The following RPS6KC1 variants were observed in gnomAD, a reference collection of about 807,000 sequenced individuals.
RPS6KC1 encodes the protein inactive ribosomal protein S6 kinase delta-1.
A neutral mutation model predicts 103.8 loss-of-function variants in RPS6KC1; 54 were observed. The observed-to-expected ratio is 0.52, with a 90% CI of 0.42 to 0.65. The LOEUF is 0.65. RPS6KC1 is among the 30% of genes least tolerant of loss of function. The probability of loss-of-function intolerance (pLI) is 0.00; values close to 1 mark genes in which losing one functional copy is unlikely to be tolerated. For missense variants in RPS6KC1, 1,151 were observed against 1,253.8 expected (o/e 0.92, Z 1.24); for synonymous variants, 439 against 438.7 (o/e 1.00, Z -0.01).
the RPS6KC1 span, among the ~76,000 whole-genome samples, chr1:213,488,525 T>G: frequency 6.6e-6 from 1 of 152,150 alleles, no homozygotes; most frequent in Non-Finnish European, 1.5e-5. Context: ...GCCCAGCAGA[T>G]TTTGGCAACT....
At chr1:213,340,926 A>C in the RPS6KC1 span, among the ~76,000 whole-genome samples, 2 of 152,270 alleles carry the variant, frequency 1.3e-5, no homozygotes, top group African/African-American at 4.8e-5. Flanking sequence ...AGGTGGGGCC[A>C]TGGTCAGAGT....
the RPS6KC1 span, among the ~76,000 whole-genome samples, chr1:213,478,422 CAA>C: frequency 1.3e-5 from 2 of 151,682 alleles, no homozygotes; most frequent in Non-Finnish European, 2.9e-5. Context: ...TTTAGTTTTG[CAA>C]AAAAAATTGT....
the RPS6KC1 span, among the ~76,000 whole-genome samples, chr1:213,683,749 T>G: frequency 6.6e-6 from 1 of 152,108 alleles, no homozygotes; most frequent in African/African-American, 2.4e-5. Context: ...CCGTCCCAAC[T>G]CCACGTTCCC....
chr1:213,696,645 C>A, the RPS6KC1 span, among the ~76,000 whole-genome samples: 1 of 151,986 alleles, frequency 6.6e-6, no homozygotes, highest in African/African-American at 2.4e-5. Flanking sequence ...CAATTGAGTA[C>A]ACCTCTTAAT....
chr1:213,315,578 G>T, the RPS6KC1 span, among the ~76,000 whole-genome samples: 1 of 152,126 alleles, frequency 6.6e-6, no homozygotes, highest in Admixed American at 6.5e-5. Flanking sequence ...AATAGTCCTG[G>T]TATATTTCAG....
At chr1:213,726,813 T>C in the RPS6KC1 span, among the ~76,000 whole-genome samples, 1 of 152,228 alleles carries the variant, frequency 6.6e-6, no homozygotes, top group Non-Finnish European at 1.5e-5. Flanking sequence ...TTTCAGAACA[T>C]ATTGAAGCTA....
the RPS6KC1 span, among the ~76,000 whole-genome samples, chr1:213,500,095 C>T: frequency 1.3e-5 from 2 of 152,094 alleles, no homozygotes; most frequent in Non-Finnish European, 2.9e-5. Context: ...TGTAACTTTT[C>T]AAAACTTTTA....
At chr1:213,538,904 C>T in the RPS6KC1 span, among the ~76,000 whole-genome samples, 1 of 152,112 alleles carries the variant, frequency 6.6e-6, no homozygotes, top group Admixed American at 6.5e-5. Context: ...ACAGTATGGT[C>T]TTATATTGAC....
chr1:213,507,613 C>T, the RPS6KC1 span, among the ~76,000 whole-genome samples: 3 of 151,520 alleles, frequency 2.0e-5, no homozygotes, highest in Non-Finnish European at 4.4e-5. Context: ...TCCCATCCAC[C>T]GCTCAGAGCC....
chr1:213,512,153 C>T, the RPS6KC1 span, among the ~76,000 whole-genome samples: 1 of 152,232 alleles, frequency 6.6e-6, no homozygotes, highest in African/African-American at 2.4e-5. Context: ...GCTCTATCTT[C>T]ATTCCTGATT....
chr1:213,627,610 T>A, the RPS6KC1 span, among the ~76,000 whole-genome samples: 1 of 152,216 alleles, frequency 6.6e-6, no homozygotes, highest in Non-Finnish European at 1.5e-5. Context: ...AATACCTAAT[T>A]TATTGAGAGT....
At chr1:213,426,080 A>G in the RPS6KC1 span, among the ~76,000 whole-genome samples, 3 of 151,894 alleles carry the variant, frequency 2.0e-5, no homozygotes, top group African/African-American at 4.8e-5. Flanking sequence ...ATGTGGGTGA[A>G]GCTGCACCCT....
chr1:213,285,345 T>TTG, the RPS6KC1 span, among the ~76,000 whole-genome samples: 628 of 152,116 alleles, frequency 4.1e-3, 4 homozygotes, highest in Non-Finnish European at 6.6e-3. Context: ...GCTGTCATAC[T>TTG]GGGGGGTAGG....
the RPS6KC1 span, among the ~76,000 whole-genome samples, chr1:213,848,562 A>G: frequency 6.6e-6 from 1 of 152,136 alleles, no homozygotes; most frequent in Non-Finnish European, 1.5e-5. Context: ...AGACACACAC[A>G]TATATTTTAA....
chr1:213,188,662 A>G (rs1485079093), intron 8 of RPS6KC1, among the ~76,000 whole-genome samples: 2 of 152,202 alleles, frequency 1.3e-5, no homozygotes, highest in Non-Finnish European at 2.9e-5. Context: ...CTAGATGTAA[A>G]TATAACAAGA....
chr1:213,128,728 G>A (rs974907838), intron 5 of RPS6KC1, among the ~76,000 whole-genome samples: 2 of 152,026 alleles, frequency 1.3e-5, no homozygotes, highest in African/African-American at 2.4e-5. Flanking sequence ...TTCCAGTTAC[G>A]GATGGTTACC....
chr1:213,719,146 G>A, the RPS6KC1 span, among the ~76,000 whole-genome samples: 1 of 152,210 alleles, frequency 6.6e-6, no homozygotes, highest in Admixed American at 6.5e-5. Context: ...AAACCAACAT[G>A]AGTAAACTGG....
At chr1:213,289,090 C>A in the RPS6KC1 span, among the ~76,000 whole-genome samples, 1 of 152,088 alleles carries the variant, frequency 6.6e-6, no homozygotes, top group Admixed American at 6.6e-5. Context: ...GCCACAACCA[C>A]AGGGCCACTG....
chr1:213,856,222 G>C, the RPS6KC1 span, among the ~76,000 whole-genome samples: 73 of 152,282 alleles, frequency 4.8e-4, no homozygotes, highest in Non-Finnish European at 9.3e-4. Context: ...ATGGTGGCTG[G>C]AATGTGTCGG....
Sources: allele counts gnomAD v4.1 joint callset (sites outside exome capture counted in the v4.1 genomes callset), GRCh38; gene constraint gnomAD v4.1.1; transcripts MANE v1.5; gene names NCBI Gene and HGNC (gene_info 2026-07-23, HGNC 2026-07-21).